The following SNED1 variants were observed in gnomAD, a reference collection of about 807,000 sequenced individuals.
The protein encoded by SNED1 is sushi, nidogen and EGF-like domain-containing protein 1.
Under a neutral mutation model 166.7 loss-of-function variants are expected in SNED1, and 81 were observed. The observed-to-expected ratio is 0.49, with a 90% CI of 0.41 to 0.58. SNED1 has a LOEUF of 0.58. Ranked by LOEUF, SNED1 falls within the 20% of genes least tolerant of loss-of-function variation. SNED1 has a pLI of 0.00. For missense variants in SNED1, 1,604 were observed against 2,000.2 expected (o/e 0.80, Z 3.78); for synonymous variants, 762 against 822.0 (o/e 0.93, Z 1.25).
rs1404944417 is a variant in SNED1 at position 241,064,102 on chromosome 2, T to G, written c.2576T>G (p.Phe859Cys). Residue 859 changes from phenylalanine to cysteine, a missense_variant, in exon 19 of 32, where the codon TTC becomes TGC. Physicochemically the swap from Phe to Cys is radical, Grantham distance 205. Around this residue, in one of 2 missense-constraint regions of SNED1, gnomAD observed 1,237 missense variants for 1,620.8 expected, o/e 0.76. Coordinates refer to ENST00000310397, the MANE Select transcript of SNED1 (RefSeq NM_001080437.3). The surrounding 1 kb of genome is among the most constrained non-coding windows in gnomAD (Gnocchi z 7.0). ...GAYLCVCPESFFGYHCETVSD... is the reference protein window; with the variant it reads ...GAYLCVCPESCFGYHCETVSD... ...TACCTGTGCGTCTGCCCAGAGAGCT[T>G]CTTCGGCTACCACTGCGAGACAGGT... The G allele has an allele frequency of 3.2e-6, 5 of 1,565,838 alleles. No homozygotes were observed. The highest frequency in any genetic ancestry group is 2.4e-5 in the East Asian group (1 of 41,794).
intron 1 of SNED1, among the ~76,000 whole-genome samples, chr2:241,008,229 C>G (rs988689145): frequency 6.6e-6 from 1 of 152,236 alleles, no homozygotes; most frequent in African/African-American, 2.4e-5. Flanking sequence ...GAGTCAGTGC[C>G]GTGACCAGGG....
chr2:241,034,443 G>A lies in SNED1; in HGVS notation c.643-125G>A. ...TCTCCTTGGCTCCCAGGAACGGTTG[G>A]CTGAGGTCAGGACCTGGCTGGGAGG... On this transcript the variant is annotated intron_variant, in intron 3 of 31. Transcript: ENST00000310397. The A allele has an allele frequency of 3.4e-6, 3 of 887,288 alleles. No homozygotes were observed. In the South Asian group the frequency reaches 5.5e-5, roughly 16 times the overall value. The allele number at this position is 887,288 out of a possible 1,614,324, so 55.0% of individuals were successfully genotyped here. A position where few individuals can be genotyped will look rare whatever the true frequency, so the allele number is the denominator to read the frequency against.
intron 1 of SNED1, among the ~76,000 whole-genome samples, chr2:241,004,595 A>G (rs1356219237): frequency 2.0e-5 from 3 of 152,186 alleles, no homozygotes; most frequent in African/African-American, 7.2e-5. Flanking sequence ...AAATAATATT[A>G]TACTCTTTCA....
chr2:241,087,556 G>A, intron 30 of SNED1, 81 bp downstream of exon 30: 2 of 1,510,104 alleles, frequency 1.3e-6, no homozygotes, highest in Non-Finnish European at 1.8e-6. Context: ...GCTATGGGAT[G>A]CTGCAGGCCT....
chr2:241,047,402 G>A (rs1034462744), intron 8 of SNED1, among the ~76,000 whole-genome samples: 1 of 152,086 alleles, frequency 6.6e-6, no homozygotes, highest in African/African-American at 2.4e-5. Context: ...AATTATTGGT[G>A]GAGATTTCGA....
At chr2:241,001,235 CTTG>C (rs1205046147) in intron 1 of SNED1, among the ~76,000 whole-genome samples, 1 of 152,242 alleles carries the variant, frequency 6.6e-6, no homozygotes, top group South Asian at 2.1e-4. Flanking sequence ...CAAGAGTAGG[CTTG>C]TTGTCTGAAT....
intron 1 of SNED1, among the ~76,000 whole-genome samples, chr2:241,027,728 C>A (rs1574916756): frequency 6.9e-6 from 1 of 145,188 alleles, no homozygotes; most frequent in Admixed American, 7.1e-5. Flanking sequence ...TTGTTATTTT[C>A]TTCTGTTTTT....
chr2:241,048,195 A>T, intron 8 of SNED1, 120 bp from the exon 9 acceptor site: 1 of 1,230,080 alleles, frequency 8.1e-7, no homozygotes, highest in Non-Finnish European at 1.1e-6. Context: ...CTTCTGGCTT[A>T]AATTCCACTT....
intron 5 of SNED1, 118 bp downstream of exon 5, chr2:241,037,033 C>T (rs2061393939): frequency 7.5e-7 from 1 of 1,325,422 alleles, no homozygotes. Flanking sequence ...TCTCTGTCCC[C>T]AGGGTGTGGG....
chr2:241,067,911 C>T lies in SNED1; in HGVS notation c.3158C>T (p.Thr1053Ile), dbSNP rs373766192. 7.4e-6 allele frequency: 12 copies of T among 1,613,270 alleles called. No individual in the cohort carries two copies. In the African/African-American group the frequency reaches 1.3e-4, roughly 18 times the overall value. The change falls in exon 22 of 32, where the codon ACC (threonine) becomes ATC (isoleucine). Residue 1053 changes from threonine (T) to isoleucine (I), a missense_variant. Thr to Ile is a moderately conservative substitution (Grantham distance 89, BLOSUM62 -1). Around this residue, in one of 2 missense-constraint regions of SNED1, gnomAD observed 1,237 missense variants for 1,620.8 expected, o/e 0.76. Transcript: ENST00000310397. ...CCTGAGGCCCTCAGGGACCAGGCCA[C>T]CGATGTGGACAGGAGTGTGGACAGG... ...RHPEALRDQA[T>I]DVDRSVDRFT... is the part of the protein sequence containing the mutation.
At chr2:241,058,411 A>C (rs891978078) in intron 16 of SNED1, among the ~76,000 whole-genome samples, 2 of 152,202 alleles carry the variant, frequency 1.3e-5, no homozygotes, top group Non-Finnish European at 2.9e-5. Context: ...ATGCTGAAAA[A>C]AGTAGAAGGA....
intron 27 of SNED1, chr2:241,074,691 C>T (rs2125262549): frequency 1.3e-5 from 2 of 152,328 alleles, no homozygotes; most frequent in Non-Finnish European, 2.9e-5. Context: ...GAAAAGTAGA[C>T]TCTTTAATGG....
chr2:241,070,098 C>T lies in SNED1; in HGVS notation c.3486C>T (p.Arg1162=), dbSNP rs764719467. 2.5e-5 allele frequency: 41 copies of T among 1,612,896 alleles called. No homozygotes were observed. In the East Asian group the frequency reaches 3.1e-4, roughly 12 times the overall value. Residue 1162 remains arginine, a synonymous_variant, in exon 24 of 32, where the codon CGC becomes CGT. Coordinates refer to ENST00000310397, the MANE Select transcript of SNED1 (RefSeq NM_001080437.3). ...GGAAGCTGGCGTCCTACACGGTGCG[C>T]GACCTGCTGCCGGGACGGCGGTACC... ...PNGKLASYTV[R]DLLPGRRYQL...
intron 1 of SNED1, among the ~76,000 whole-genome samples, chr2:241,008,799 C>A (rs937117404): frequency 2.6e-5 from 4 of 152,360 alleles, no homozygotes; most frequent in Middle Eastern, 3.4e-3. Flanking sequence ...TCAGGGAGCA[C>A]CAAGTGGGAG....
intron 2 of SNED1, among the ~76,000 whole-genome samples, chr2:241,031,729 C>T (rs922010818): frequency 1.3e-5 from 2 of 152,242 alleles, no homozygotes; most frequent in Non-Finnish European, 2.9e-5. Flanking sequence ...CCCAATTCTA[C>T]GGCCCTCGCG....
At chr2:241,029,850 C>T (rs1438313030) in intron 1 of SNED1, among the ~76,000 whole-genome samples, 2 of 152,378 alleles carry the variant, frequency 1.3e-5, no homozygotes, top group Non-Finnish European at 1.5e-5. Context: ...CCTTGTGTGA[C>T]CCCTGCCCAC....
intron 8 of SNED1, among the ~76,000 whole-genome samples, chr2:241,044,497 G>A (rs932990149): frequency 2.6e-5 from 4 of 152,232 alleles, no homozygotes; most frequent in African/African-American, 9.6e-5. Context: ...GATTGGGGAA[G>A]AAGACCAAGC....
chr2:241,067,841 A>T lies in SNED1; in HGVS notation c.3088A>T (p.Ile1030Phe). The T allele has an allele frequency of 1.9e-6, 3 of 1,613,394 alleles. No individual in the cohort carries two copies. The highest frequency in any genetic ancestry group is 2.5e-6 in the Non-Finnish European group (3 of 1,179,830). ...TISVQWALHR[I>F]RHATVSGVRV... ...CTCAGTGCAGTGGGCCCTGCACAGG[A>T]TCCGCCATGCCACCGTCAGTGGGGT... The change falls in exon 22 of 32, where the codon ATC becomes TTC. Residue 1030 changes from isoleucine to phenylalanine, a missense_variant. This residue lies in a region of SNED1 where 1,237 missense variants were observed against 1,620.8 expected (regional missense o/e 0.76). Coordinates refer to ENST00000310397, the MANE Select transcript of SNED1 (RefSeq NM_001080437.3).
At chr2:241,070,883 G>A (rs575426448) in intron 24 of SNED1, among the ~76,000 whole-genome samples, 4 of 152,342 alleles carry the variant, frequency 2.6e-5, no homozygotes, top group East Asian at 1.9e-4. Context: ...AGCAGTGCGC[G>A]GCTCCCCAGG....
Sources: gnomAD v4.1 joint callset for allele counts (sites outside exome capture counted in the v4.1 genomes callset) on GRCh38, gnomAD v4.1.1 for gene constraint, gnomAD v4.1.1 regional missense constraint, Gnocchi (gnomAD v3.1) non-coding constraint, MANE v1.5 for transcripts, NCBI Gene and HGNC (gene_info 2026-07-23, HGNC 2026-07-21) for gene names.